Variants in ABCA13 observed in about 807,000 individuals in gnomAD.
ABCA13 encodes the protein ATP-binding cassette sub-family A member 13.
ABCA13 carries 476 observed loss-of-function variants against 478.7 expected under a neutral mutation model. That is an observed-to-expected ratio of 0.99 (90% CI 0.92 to 1.07). The LOEUF is 1.07. Ranked by LOEUF, ABCA13 falls within the 50% of genes least tolerant of loss-of-function variation. The pLI, the probability that ABCA13 is intolerant of heterozygous loss-of-function variation, is 0.00. For missense variants in ABCA13, 6,060 were observed against 5,910.6 expected, an observed-to-expected ratio of 1.03 and a Z score of -0.83; for synonymous variants, 2,252 against 2,158.9, an observed-to-expected ratio of 1.04 and a Z score of -1.20.
At chr7:48,293,197 C>CG (rs1798807159) in intron 20 of ABCA13, among the ~76,000 whole-genome samples, 1 of 127,186 alleles carries the variant, frequency 7.9e-6, no homozygotes, top group East Asian at 2.6e-4. Flanking sequence ...CTTCAGCCCC[C>CG]CCCCCGCCAC....
chr7:48,437,164 T>C (rs1822956898), intron 42 of ABCA13, among the ~76,000 whole-genome samples: 1 of 152,044 alleles, frequency 6.6e-6, no homozygotes, highest in African/African-American at 2.4e-5. Flanking sequence ...CCTTCATTTC[T>C]GCCAGTATTT....
intron 27 of ABCA13, among the ~76,000 whole-genome samples, chr7:48,330,411 C>A (rs1805138762): frequency 6.9e-6 from 1 of 144,882 alleles, no homozygotes; most frequent in Non-Finnish European, 1.5e-5. Context: ...ATCTATCCAT[C>A]CATTCATTTA....
intron 29 of ABCA13, among the ~76,000 whole-genome samples, chr7:48,343,996 A>T (rs973528516): frequency 1.3e-5 from 2 of 152,002 alleles, no homozygotes; most frequent in East Asian, 3.8e-4. Context: ...ACTGTTTTCT[A>T]TTTGTTTATT....
At position 48,244,679 on chromosome 7, in the gene ABCA13, G is replaced by C. The variant is rs759361720; in HGVS notation, c.1366G>C (p.Ala456Pro). Residue 456 changes from alanine to proline, a missense_variant, in exon 11 of 62, where the codon GCT becomes CCT. Physicochemically the swap from Ala to Pro is conservative, Grantham distance 27. This residue lies in a region of ABCA13 where 4,423 missense variants were observed against 4,309.1 expected (regional missense o/e 1.03). Transcript: ENST00000435803. ...QLDGALRNAI[A>P]QNLHFVQEVL... Reference sequence around the variant, plus strand: ...TGATGGAGCTCTCAGAAATGCGATAGCTCAGAATTTACATTTTGTCCAAGG... The same window carrying C: ...TGATGGAGCTCTCAGAAATGCGATACCTCAGAATTTACATTTTGTCCAAGG... The C allele has an allele frequency of 6.2e-6, 10 of 1,604,522 alleles. No homozygotes were observed. In the South Asian group the frequency reaches 1.1e-4, roughly 18 times the overall value.
rs774903035 is a variant in ABCA13 at position 48,274,347 on chromosome 7, A to G, written c.4681A>G (p.Ile1561Val). 15 of 1,613,248 alleles carry G rather than the reference A, an allele frequency of 9.3e-6. No homozygotes were observed. In the South Asian group the frequency reaches 1.3e-4, roughly 14 times the overall value. Reference protein sequence around the residue: ...GKEFQKLVKGIYFNILENNSS... With the variant: ...GKEFQKLVKGVYFNILENNSS... ...GGAATTTCAGAAGCTTGTAAAAGGT[A>G]TTTACTTTAACATCCTGGAAAATAA... The change falls in exon 17 of 62, where the codon ATT becomes GTT. Residue 1561 changes from isoleucine to valine, a missense_variant. By Grantham distance (29) the Ile-to-Val change is conservative. Transcript: ENST00000435803.
chr7:48,367,103 A>C (rs531718950), intron 31 of ABCA13, among the ~76,000 whole-genome samples: 1 of 152,256 alleles, frequency 6.6e-6, no homozygotes, highest in South Asian at 2.1e-4. Flanking sequence ...AGGAATGCCT[A>C]CATTTAAAGG....
intron 53 of ABCA13, among the ~76,000 whole-genome samples, chr7:48,523,887 T>C (rs1341959648): frequency 6.6e-6 from 1 of 152,190 alleles, no homozygotes; most frequent in East Asian, 1.9e-4. Flanking sequence ...ATGACTTGTT[T>C]AGTAAAAAGC....
chr7:48,207,787 T>C (rs1033184917), intron 3 of ABCA13, among the ~76,000 whole-genome samples: 3 of 152,162 alleles, frequency 2.0e-5, no homozygotes, highest in African/African-American at 4.8e-5. Context: ...TTCTTTGCTG[T>C]GCAGAAGCTT....
At position 48,588,646 on chromosome 7, in the gene ABCA13, T is replaced by G. The variant is rs140043591; in HGVS notation, c.14640+1358T>G. Among the ~76,000 whole-genome samples, 423 of 152,338 alleles carry G rather than the reference T, an allele frequency of 2.8e-3. 4 individuals carry two copies. The highest frequency in any genetic ancestry group is 9.6e-3 in the African/African-American group (401 of 41,576). On this transcript the variant is annotated intron_variant, in intron 57 of 61. Transcript: ENST00000435803. ...CCTGTTTCCTTCTCATCTGAAAATT[T>G]TCCTGATAATAGTGTCTGTCTCATG...
chr7:48,391,881 G>A (rs757667320), intron 37 of ABCA13, 40 bp from the exon 38 acceptor site: 3 of 1,580,512 alleles, frequency 1.9e-6, no homozygotes, highest in African/African-American at 2.7e-5. Flanking sequence ...CACAGTATCA[G>A]CAACGCGTAT....
intron 58 of ABCA13, among the ~76,000 whole-genome samples, chr7:48,610,991 G>A (rs1379089154): frequency 6.6e-6 from 1 of 152,134 alleles, no homozygotes; most frequent in East Asian, 1.9e-4. Flanking sequence ...CCATTGTCTT[G>A]GCTATTAACA....
intron 43 of ABCA13, among the ~76,000 whole-genome samples, chr7:48,464,537 G>C (rs1826657630): frequency 6.6e-6 from 1 of 152,186 alleles, no homozygotes; most frequent in Admixed American, 6.5e-5. Flanking sequence ...TGCATTTTAA[G>C]TTGCTCTGGA....
intron 29 of ABCA13, among the ~76,000 whole-genome samples, chr7:48,343,258 G>T (rs1179096344): frequency 6.6e-6 from 1 of 152,204 alleles, no homozygotes; most frequent in Non-Finnish European, 1.5e-5. Flanking sequence ...GCTTGTGGCA[G>T]AGAGCTAGGG....
chr7:48,468,640 A>G (rs376655862), intron 44 of ABCA13, among the ~76,000 whole-genome samples: 2 of 152,362 alleles, frequency 1.3e-5, no homozygotes, highest in South Asian at 2.1e-4. Context: ...TCCTTCTGTA[A>G]GTGTAAAATA....
At chr7:48,283,940 G>T (rs1276144149) in intron 19 of ABCA13, among the ~76,000 whole-genome samples, 3 of 152,068 alleles carry the variant, frequency 2.0e-5, no homozygotes, top group Non-Finnish European at 4.4e-5. Flanking sequence ...AAACATAGGG[G>T]AACACCTATT....
intron 27 of ABCA13, among the ~76,000 whole-genome samples, chr7:48,325,906 ACT>A (rs1804254240): frequency 6.6e-6 from 1 of 152,158 alleles, no homozygotes; most frequent in Non-Finnish European, 1.5e-5. Flanking sequence ...AGAGAAAATC[ACT>A]GAGGTGAGTG....
intron 39 of ABCA13, among the ~76,000 whole-genome samples, chr7:48,408,183 C>A (rs1818510234): frequency 6.6e-6 from 1 of 152,196 alleles, no homozygotes; most frequent in Non-Finnish European, 1.5e-5. Flanking sequence ...ATTTGTTCAT[C>A]TTGTGTCACT....
At chr7:48,253,106 G>T (rs575781577) in intron 15 of ABCA13, among the ~76,000 whole-genome samples, 18 of 152,228 alleles carry the variant, frequency 1.2e-4, no homozygotes, top group South Asian at 6.2e-4. Flanking sequence ...CAGTCTCCTG[G>T]TTCATCTCAA....
At chr7:48,625,400 A>T (rs1438938910) in intron 59 of ABCA13, among the ~76,000 whole-genome samples, 1 of 152,244 alleles carries the variant, frequency 6.6e-6, no homozygotes, top group African/African-American at 2.4e-5. Context: ...ATGATGTGGA[A>T]CTATGGAATG....
Sources: allele counts gnomAD v4.1 joint callset (sites outside exome capture counted in the v4.1 genomes callset), GRCh38; gene constraint gnomAD v4.1.1; regional missense constraint gnomAD v4.1.1; transcripts MANE v1.5; gene names NCBI Gene and HGNC (gene_info 2026-07-23, HGNC 2026-07-21).